ZNF34: variants seen among roughly 807,000 people sequenced by gnomAD.
ZNF34 encodes the protein zinc finger protein 34 (KOX 32).
A neutral mutation model predicts 14.4 loss-of-function variants in ZNF34; 8 were observed. The ratio of observed to expected loss-of-function variants is 0.55; its 90% CI spans 0.33 to 1.00. The LOEUF is 1.00. Among genes scored for constraint, ZNF34 ranks in the 50% least tolerant of loss-of-function variants. ZNF34 has a pLI of 0.03. For synonymous variants in ZNF34, 235 were observed against 247.9 expected, an observed-to-expected ratio of 0.95 and a Z score of 0.49; for missense variants, 538 against 674.2, an observed-to-expected ratio of 0.80 and a Z score of 2.24.
intron 2 of ZNF34, among the ~76,000 whole-genome samples, chr8:144,778,734 C>CT (rs369997488): frequency 4.9e-4 from 73 of 148,252 alleles, no homozygotes; most frequent in East Asian, 1.6e-3. Flanking sequence ...TTTTTTCTTT[C>CT]TTTTTTTTTT....
Position 144,773,633 on chromosome 8 carries a change from C to A in ZNF34, c.1253G>T (p.Arg418Ile). The change falls in exon 6 of 6, where the codon AGA becomes ATA. Residue 418 changes from arginine to isoleucine, a missense_variant. Physicochemically the swap from Arg to Ile is moderately conservative, Grantham distance 97. This residue lies in a region of ZNF34 where 431 missense variants were observed against 525.7 expected (regional missense o/e 0.82). Transcript: ENST00000429371. The surrounding 1 kb of genome is among the most constrained non-coding windows in gnomAD (Gnocchi z 5.4). ...IQKTKLVEHQRSHTGEKPYEC... is the reference protein window; with the variant it reads ...IQKTKLVEHQISHTGEKPYEC... Reference sequence around the variant, plus strand: ...ATAGGGCTTCTCTCCAGTGTGGCTTCTCTGATGTTCCACGAGTTTGGTTTT... The same window carrying A: ...ATAGGGCTTCTCTCCAGTGTGGCTTATCTGATGTTCCACGAGTTTGGTTTT... 1 of 1,614,132 alleles carries A rather than the reference C, an allele frequency of 6.2e-7. No individual in the cohort carries two copies. Among genetic ancestry groups the A allele is most frequent in the Non-Finnish European group, 8.5e-7 (1 of 1,180,006 alleles).
Position 144,779,559 on chromosome 8 carries a change from C to T in ZNF34, c.-55+669G>A, listed in dbSNP as rs1370738692. 6.6e-6 allele frequency among the ~76,000 whole-genome samples: 1 copy of T among 152,166 alleles called. No individual in the cohort carries two copies. The highest frequency in any genetic ancestry group is 6.6e-5 in the Admixed American group (1 of 15,264). ...CCTTTGACTCCGCTGGACTTCATAGCCCCCATGGCCTGGTGTTGGGTCTGA... is the reference window on the plus strand; with the variant it reads ...CCTTTGACTCCGCTGGACTTCATAGTCCCCATGGCCTGGTGTTGGGTCTGA... On this transcript the variant is annotated intron_variant, in intron 2 of 5. Coordinates refer to ENST00000429371, the MANE Select transcript of ZNF34 (RefSeq NM_001286769.2). The surrounding 1 kb of genome is among the most constrained non-coding windows in gnomAD (Gnocchi z 4.1).
At chr8:144,785,666 T>C (rs1259453684) in intron 1 of ZNF34, 1 of 152,208 alleles carries the variant, frequency 6.6e-6, no homozygotes, top group African/African-American at 2.4e-5. Context: ...TACTTCATAA[T>C]ACCAAATGTT....
rs1213138785 is a variant in ZNF34, at chr8:144,774,047, T to C, written c.839A>G (p.His280Arg). Residue 280 changes from histidine to arginine, a missense_variant, in exon 6 of 6, where the codon CAC becomes CGC. His to Arg is a conservative substitution (Grantham distance 29). This residue lies in a region of ZNF34 where 431 missense variants were observed against 525.7 expected (regional missense o/e 0.82). Transcript: ENST00000429371. ...ACACCGGTAGGGAATCTCTCCTGAG[T>C]GCATCCTTCGGTGATTGATGAACTC... Reference protein sequence around the residue: ...SCEFINHRRMHSGEIPYRCDE... With the variant: ...SCEFINHRRMRSGEIPYRCDE... 1 of 1,614,100 alleles carries C rather than the reference T, an allele frequency of 6.2e-7. No homozygotes were observed.
rs1295919786 is a variant in ZNF34 at position 144,777,562 on chromosome 8, C to T, written c.176G>A (p.Gly59Asp). 2 of 1,552,242 alleles carry T rather than the reference C, an allele frequency of 1.3e-6. No homozygotes were observed. The highest frequency in any genetic ancestry group is 2.0e-5 in the Admixed American group (1 of 51,066). Reference protein sequence around the residue: ...NLVSLGVGPAGPKPGVISQLE... With the variant: ...NLVSLGVGPADPKPGVISQLE... ...CTGCGAGATCACTCCAGGCTTGGGG[C>T]CTGCAGGTCCTACTCCTGGGAAGGA... The change falls in exon 5 of 6, where the codon GGC becomes GAC. Residue 59 changes from glycine (G) to aspartate (D), a missense_variant. Physicochemically the swap from Gly to Asp is moderately conservative, Grantham distance 94. Transcript: ENST00000429371. This position sits in a 1 kb window ranked among gnomAD's most constrained non-coding sequence, Gnocchi z 4.8.
intron 1 of ZNF34, among the ~76,000 whole-genome samples, chr8:144,782,781 G>A (rs1825969284): frequency 8.2e-6 from 1 of 122,334 alleles, no homozygotes; most frequent in Admixed American, 1.0e-4. Context: ...AAGCTGCAGT[G>A]AATCAAGATC....
rs1490395123 is a variant in ZNF34 at position 144,772,258 on chromosome 8, T to G, written c.*1008A>C. On this transcript the variant is annotated 3_prime_UTR_variant, in exon 6 of 6. Transcript: ENST00000429371. ...TCCACACATATTTATGTTCCTAGAA[T>G]AGGCAAATTCAAAGAGACAGAAAAT... Among the ~76,000 whole-genome samples the G allele has an allele frequency of 6.6e-6, 1 of 152,052 alleles. No individual in the cohort carries two copies. Among genetic ancestry groups the G allele is most frequent in the African/African-American group, 2.4e-5 (1 of 41,382 alleles).
chr8:144,781,865 C>G (rs1488319014), intron 1 of ZNF34, among the ~76,000 whole-genome samples: 1 of 152,196 alleles, frequency 6.6e-6, no homozygotes, highest in Non-Finnish European at 1.5e-5. Flanking sequence ...CTCATTTTAA[C>G]AGGAAAGCCT....
At chr8:144,780,085 T>G in intron 2 of ZNF34, 143 bp downstream of exon 2, 1 of 566,080 alleles carries the variant, frequency 1.8e-6, no homozygotes, top group Admixed American at 2.8e-5. Flanking sequence ...TAGTCCCAGC[T>G]ACTTGGGAGG....
chr8:144,775,166 G>A (rs564562778), intron 5 of ZNF34, among the ~76,000 whole-genome samples: 4 of 152,314 alleles, frequency 2.6e-5, no homozygotes, highest in Admixed American at 2.0e-4. Context: ...TCTCTTCCTA[G>A]TCCTAAGGGG....
intron 1 of ZNF34, chr8:144,785,611 G>A (rs1195732682): frequency 6.6e-6 from 1 of 152,190 alleles, no homozygotes; most frequent in Non-Finnish European, 1.5e-5. Context: ...AAGAAAAAAT[G>A]TAAAGTAAAA....
intron 1 of ZNF34, among the ~76,000 whole-genome samples, chr8:144,781,923 CGTCT>C (rs1825910605): frequency 6.6e-6 from 1 of 152,174 alleles, no homozygotes; most frequent in African/African-American, 2.4e-5. Context: ...CTGTGGCTCA[CGTCT>C]ATAATCCCAG....
At chr8:144,785,862 TTCAGCGTCCA>T (rs1826196238) in intron 1 of ZNF34, among the ~76,000 whole-genome samples, 1 of 151,946 alleles carries the variant, frequency 6.6e-6, no homozygotes. Flanking sequence ...AAGAAAAAAC[TTCAGCGTCCA>T]TCAGCAAAGT....
At chr8:144,775,567 C>G (rs1237688392) in intron 5 of ZNF34, among the ~76,000 whole-genome samples, 1 of 152,150 alleles carries the variant, frequency 6.6e-6, no homozygotes, top group Non-Finnish European at 1.5e-5. Flanking sequence ...CCATGAAACA[C>G]AAGCAGCTCT....
chr8:144,780,963 T>C (rs893038381), intron 1 of ZNF34, among the ~76,000 whole-genome samples: 25 of 146,820 alleles, frequency 1.7e-4, no homozygotes, highest in African/African-American at 6.0e-4. Context: ...TGAAACCCTG[T>C]CTCTACCGAA....
At position 144,773,246 on chromosome 8, in the gene ZNF34, C is replaced by T. The variant is rs1245110180; in HGVS notation, c.*20G>A. ...CAGGAAGTGCTCAGCTGGACTCTGC[C>T]CTCGGACACCGCGCCACTGTTACAT... is the stretch of plus-strand genomic sequence containing the variant. On this transcript the variant is annotated 3_prime_UTR_variant, in exon 6 of 6. Transcript: ENST00000429371. This position sits in a 1 kb window ranked among gnomAD's most constrained non-coding sequence, Gnocchi z 5.4. 2 of 1,578,668 alleles carry T rather than the reference C, an allele frequency of 1.3e-6. No individual in the cohort carries two copies. The highest frequency in any genetic ancestry group is 1.7e-5 in the Admixed American group (1 of 58,374).
In ZNF34 at chr8:144,774,560, G is replaced by A; in HGVS notation, c.326C>T (p.Thr109Ile). Residue 109 changes from threonine to isoleucine, a missense_variant, in exon 6 of 6, where the codon ACA becomes ATA. Physicochemically the swap from Thr to Ile is moderately conservative, Grantham distance 89. Around this residue, in one of 3 missense-constraint regions of ZNF34, gnomAD observed 431 missense variants for 525.7 expected, o/e 0.82. Coordinates refer to ENST00000429371, the MANE Select transcript of ZNF34 (RefSeq NM_001286769.2). ...TCCCTGGGGATCTTCCTCACCAAAT[G>A]TCTCCTGTGAAGTCAACTCCTTGTA... ...TEYKELTSQE[T>I]FGEEDPQGSE... 6.2e-7 allele frequency: 1 copy of A among 1,613,930 alleles called. No individual in the cohort carries two copies. The highest frequency in any genetic ancestry group is 1.1e-5 in the South Asian group (1 of 91,082).
chr8:144,773,946 A>C lies in ZNF34; in HGVS notation c.940T>G (p.Tyr314Asp). 1 of 1,614,046 alleles carries C rather than the reference A, an allele frequency of 6.2e-7. No homozygotes were observed. The highest frequency in any genetic ancestry group is 8.5e-7 in the Non-Finnish European group (1 of 1,180,020). Residue 314 changes from tyrosine (Y) to aspartate (D), a missense_variant, in exon 6 of 6, where the codon TAC becomes GAC. Around this residue, in one of 3 missense-constraint regions of ZNF34, gnomAD observed 431 missense variants for 525.7 expected, o/e 0.82. Transcript: ENST00000429371. The surrounding 1 kb of genome is among the most constrained non-coding windows in gnomAD (Gnocchi z 5.4). ...TGCTTCCCACACTCCCCACACTTGT[A>C]GGGTTTCTCCCCAGTGTGAATCCTC... ...HQRIHTGEKP[Y>D]KCGECGKHFS...
rs752510929 is a variant in ZNF34 at position 144,773,494 on chromosome 8, G to A, written c.1392C>T (p.His464=). ...GGTGGTGGATGAGTCTGGAACTGTTGTGGAAGGCCTTCCCACACTCGCTGC... is the reference window on the plus strand; with the variant it reads ...GGTGGTGGATGAGTCTGGAACTGTTATGGAAGGCCTTCCCACACTCGCTGC... The part of the protein sequence containing the change: ...YKCSECGKAF[H]NSSRLIHHQR... Residue 464 remains histidine (H), a synonymous_variant, in exon 6 of 6, where the codon CAC becomes CAT. Coordinates refer to ENST00000429371, the MANE Select transcript of ZNF34 (RefSeq NM_001286769.2). The surrounding 1 kb of genome is among the most constrained non-coding windows in gnomAD (Gnocchi z 5.4). 55 of 1,611,522 alleles carry A rather than the reference G, an allele frequency of 3.4e-5. No individual in the cohort carries two copies. Among genetic ancestry groups the A allele is most frequent in the East Asian group, 2.9e-4 (13 of 44,782 alleles).
Sources: gnomAD v4.1 joint callset for allele counts (sites outside exome capture counted in the v4.1 genomes callset) on GRCh38, gnomAD v4.1.1 for gene constraint, gnomAD v4.1.1 regional missense constraint, Gnocchi (gnomAD v3.1) non-coding constraint, MANE v1.5 for transcripts, NCBI Gene and HGNC (gene_info 2026-07-23, HGNC 2026-07-21) for gene names.